The following PLCL1 variants were observed in gnomAD, a reference collection of about 807,000 sequenced individuals.
The protein encoded by PLCL1 is phospholipase C like 1 (inactive), also known as inactive phospholipase C-like protein 1.
In PLCL1, 41 loss-of-function variants were observed where a neutral mutation model predicts 84.4. The ratio of observed to expected loss-of-function variants is 0.49; its 90% CI spans 0.38 to 0.63. The LOEUF is 0.63. Ranked by LOEUF, PLCL1 falls within the 30% of genes least tolerant of loss-of-function variation. PLCL1 has a pLI of 0.00. For missense variants in PLCL1, 1,206 were observed against 1,367.8 expected (o/e 0.88, Z 1.87); for synonymous variants, 490 against 488.3 (o/e 1.00, Z -0.05).
intron 1 of PLCL1, among the ~76,000 whole-genome samples, chr2:198,046,301 C>G (rs1381538878): frequency 6.6e-6 from 1 of 152,076 alleles, no homozygotes; most frequent in Non-Finnish European, 1.5e-5. Flanking sequence ...CCTTATAGTA[C>G]TGTATTTCTT....
chr2:198,071,606 G>T (rs1245213910), intron 1 of PLCL1, among the ~76,000 whole-genome samples: 1 of 151,552 alleles, frequency 6.6e-6, no homozygotes, highest in African/African-American at 2.4e-5. Flanking sequence ...TCTCTAAACA[G>T]TTATATAATT....
intron 1 of PLCL1, among the ~76,000 whole-genome samples, chr2:197,951,002 G>A (rs1689380078): frequency 6.6e-6 from 1 of 152,084 alleles, no homozygotes; most frequent in African/African-American, 2.4e-5. Context: ...GTTCCCTTCT[G>A]TAGAAGTTGC....
At chr2:197,889,188 G>A (rs1365618335) in intron 1 of PLCL1, among the ~76,000 whole-genome samples, 1 of 152,200 alleles carries the variant, frequency 6.6e-6, no homozygotes, top group Non-Finnish European at 1.5e-5. Flanking sequence ...TGACTAGTGA[G>A]TCATGTGGCC....
chr2:197,851,561 A>G (rs1012284727), intron 1 of PLCL1, among the ~76,000 whole-genome samples: 1 of 152,242 alleles, frequency 6.6e-6, no homozygotes, highest in Admixed American at 6.5e-5. Flanking sequence ...AAGAAGAAAG[A>G]CTTTCCCAAT....
At chr2:198,054,798 T>C (rs1692022392) in intron 1 of PLCL1, among the ~76,000 whole-genome samples, 1 of 152,202 alleles carries the variant, frequency 6.6e-6, no homozygotes, top group Admixed American at 6.5e-5. Context: ...CCCTGTGGGT[T>C]AAGATAGTTC....
intron 1 of PLCL1, among the ~76,000 whole-genome samples, chr2:197,884,469 GA>G (rs896538886): frequency 1.2e-4 from 18 of 152,312 alleles, no homozygotes; most frequent in Admixed American, 1.0e-3. Context: ...AGGAGGCTGG[GA>G]AATGTAGTCT....
chr2:198,136,406 G>A (rs565743919), intron 5 of PLCL1, among the ~76,000 whole-genome samples: 1 of 152,196 alleles, frequency 6.6e-6, no homozygotes, highest in South Asian at 2.1e-4. Context: ...TTGGAGCCAG[G>A]ATTTGAGCCC....
intron 1 of PLCL1, among the ~76,000 whole-genome samples, chr2:198,024,125 A>T (rs1559077607): frequency 6.6e-6 from 1 of 152,196 alleles, no homozygotes; most frequent in Non-Finnish European, 1.5e-5. Flanking sequence ...GGAAATCATC[A>T]TTCTCAGCAA....
chr2:197,866,135 AT>A, intron 1 of PLCL1, among the ~76,000 whole-genome samples: 1 of 15,702 alleles, frequency 6.4e-5, no homozygotes, highest in Admixed American at 5.3e-4. Context: ...CTATATATAT[AT>A]ATAAACTATA....
intron 5 of PLCL1, among the ~76,000 whole-genome samples, chr2:198,136,361 A>G (rs1453765734): frequency 1.3e-5 from 2 of 152,146 alleles, no homozygotes; most frequent in Admixed American, 6.6e-5. Context: ...TGAGGCACCC[A>G]GTGATCTTGC....
intron 1 of PLCL1, among the ~76,000 whole-genome samples, chr2:198,055,386 AG>A: frequency 6.7e-6 from 1 of 149,808 alleles, no homozygotes; most frequent in South Asian, 2.2e-4. Flanking sequence ...AGAGAGAGAG[AG>A]AAAGATCTAT....
At chr2:198,128,646 G>A (rs1694048578) in intron 5 of PLCL1, among the ~76,000 whole-genome samples, 1 of 152,170 alleles carries the variant, frequency 6.6e-6, no homozygotes, top group Non-Finnish European at 1.5e-5. Flanking sequence ...CTTAGGAGCA[G>A]TTTAGGGAGG....
intron 1 of PLCL1, among the ~76,000 whole-genome samples, chr2:197,828,105 T>C (rs1298610559): frequency 6.6e-6 from 1 of 152,112 alleles, no homozygotes; most frequent in Non-Finnish European, 1.5e-5. Flanking sequence ...ATAGTTTTTC[T>C]TTTTCTTTTT....
At chr2:198,047,771 A>G (rs986053342) in intron 1 of PLCL1, among the ~76,000 whole-genome samples, 2 of 152,244 alleles carry the variant, frequency 1.3e-5, no homozygotes, top group African/African-American at 4.8e-5. Context: ...GGTAACTTGT[A>G]TCATTTACAT....
At chr2:197,836,977 G>A (rs1490406331) in intron 1 of PLCL1, among the ~76,000 whole-genome samples, 1 of 152,144 alleles carries the variant, frequency 6.6e-6, no homozygotes, top group African/African-American at 2.4e-5. Context: ...TGGGATTATA[G>A]GTATGAGCCA....
At chr2:198,032,744 T>C (rs904635930) in intron 1 of PLCL1, among the ~76,000 whole-genome samples, 6 of 152,184 alleles carry the variant, frequency 3.9e-5, no homozygotes, top group African/African-American at 1.2e-4. Context: ...TCAGGTTACC[T>C]TAAGGTTATA....
intron 1 of PLCL1, among the ~76,000 whole-genome samples, chr2:197,936,014 C>G (rs181815312): frequency 6.6e-6 from 1 of 152,174 alleles, no homozygotes; most frequent in African/African-American, 2.4e-5. Context: ...TCTTCTGTTC[C>G]TAGCTTATTT....
intron 5 of PLCL1, among the ~76,000 whole-genome samples, chr2:198,114,893 T>C (rs1426269981): frequency 6.6e-6 from 1 of 151,760 alleles, no homozygotes; most frequent in Non-Finnish European, 1.5e-5. Flanking sequence ...AAGTCAAATC[T>C]GAATTTAGAT....
chr2:198,054,147 C>G (rs938754391), intron 1 of PLCL1, among the ~76,000 whole-genome samples: 1 of 152,152 alleles, frequency 6.6e-6, no homozygotes, highest in Non-Finnish European at 1.5e-5. Flanking sequence ...TATGTATGCA[C>G]CCAACATCAG....
Sources: gnomAD v4.1 joint callset for allele counts (sites outside exome capture counted in the v4.1 genomes callset) on GRCh38, gnomAD v4.1.1 for gene constraint, MANE v1.5 for transcripts, NCBI Gene and HGNC (gene_info 2026-07-23, HGNC 2026-07-21) for gene names.